LNX1: variants seen among roughly 807,000 people sequenced by gnomAD.
LNX1 encodes ligand of numb-protein X 1, also known as E3 ubiquitin-protein ligase LNX.
LNX1 carries 54 observed loss-of-function variants against 68.4 expected under a neutral mutation model. That is an observed-to-expected ratio of 0.79 (90% CI 0.63 to 0.99). The LOEUF (loss-of-function observed/expected upper bound fraction) is 0.99, where lower values mean the gene tolerates loss of function less well. LNX1 is among the 50% of genes least tolerant of loss of function. The probability of loss-of-function intolerance (pLI) is 0.00; values close to 1 mark genes in which losing one functional copy is unlikely to be tolerated. For missense variants in LNX1, 906 were observed against 926.4 expected, an observed-to-expected ratio of 0.98 and a Z score of 0.29; for synonymous variants, 336 against 350.0, an observed-to-expected ratio of 0.96 and a Z score of 0.45.
chr4:53,610,027 T>C (rs2109846735), intron 2 of LNX1, among the ~76,000 whole-genome samples: 1 of 151,936 alleles, frequency 6.6e-6, no homozygotes, highest in East Asian at 1.9e-4. Context: ...AATGGACATT[T>C]TCTCTAAAGT....
Position 53,459,843 on chromosome 4 carries a change from C to A in LNX1, c.*1064G>T. ...CTGCATCACAAAAGGCAACAAAGGGCCCCTCTAAGGCTTGAGATTAAAACT... is the reference window on the plus strand; with the variant it reads ...CTGCATCACAAAAGGCAACAAAGGGACCCTCTAAGGCTTGAGATTAAAACT... On this transcript the variant is annotated 3_prime_UTR_variant, in exon 11 of 11. Coordinates refer to ENST00000263925, the MANE Select transcript of LNX1 (RefSeq NM_001126328.3). 1 of 255,362 alleles carries A rather than the reference C, an allele frequency of 3.9e-6. No homozygotes were observed. The allele number at this position is 255,362 out of a possible 1,614,324, so 15.8% of individuals were successfully genotyped here.
chr4:53,557,733 C>T (rs1730016410), intron 2 of LNX1: 1 of 937,924 alleles, frequency 1.1e-6, no homozygotes, highest in Non-Finnish European at 1.5e-6. Context: ...CCGTTTTAAA[C>T]TGCTGGCAGG....
chr4:53,582,000 C>G (rs1335554247), intron 1 of LNX1, among the ~76,000 whole-genome samples: 1 of 152,088 alleles, frequency 6.6e-6, no homozygotes. Context: ...ATTAGGATTA[C>G]TGAATTTTTC....
chr4:53,517,301 T>C (rs1560640677), intron 2 of LNX1, among the ~76,000 whole-genome samples: 1 of 152,226 alleles, frequency 6.6e-6, no homozygotes, highest in Non-Finnish European at 1.5e-5. Flanking sequence ...TTTAAATATA[T>C]GATAACTAAT....
chr4:53,522,516 A>G (rs918474713), intron 2 of LNX1, among the ~76,000 whole-genome samples: 1 of 152,188 alleles, frequency 6.6e-6, no homozygotes, highest in Non-Finnish European at 1.5e-5. Flanking sequence ...GTTTTATTAC[A>G]TATTGACACA....
At position 53,460,900 on chromosome 4, in the gene LNX1, A is replaced by T; in HGVS notation, c.*7T>A. The T allele has an allele frequency of 1.2e-6, 2 of 1,607,978 alleles. No homozygotes were observed. Among genetic ancestry groups the T allele is most frequent in the Admixed American group, 1.7e-5 (1 of 58,962 alleles). Reference sequence around the variant, plus strand: ...TTTTTCTGTTTTCCTCTGACCCATCATTGATTCTATAAAAAAGTGCCAGGC... The same window carrying T: ...TTTTTCTGTTTTCCTCTGACCCATCTTTGATTCTATAAAAAAGTGCCAGGC... On this transcript the variant is annotated 3_prime_UTR_variant, in exon 11 of 11. Coordinates refer to ENST00000263925, the MANE Select transcript of LNX1 (RefSeq NM_001126328.3).
intron 2 of LNX1, among the ~76,000 whole-genome samples, chr4:53,555,808 T>C (rs1358649289): frequency 1.3e-5 from 2 of 151,652 alleles, no homozygotes; most frequent in Non-Finnish European, 2.9e-5. Context: ...TTCCCTAGCA[T>C]CATACTTTTA....
intron 2 of LNX1, among the ~76,000 whole-genome samples, chr4:53,533,283 G>T (rs530461755): frequency 6.6e-6 from 1 of 152,180 alleles, no homozygotes; most frequent in Non-Finnish European, 1.5e-5. Flanking sequence ...AGATTTGCCC[G>T]AGGAGCTTGG....
rs11377097 is a variant in LNX1 at position 53,548,121 on chromosome 4, GA to G, written c.380+25501del. Among the ~76,000 whole-genome samples the G allele has an allele frequency of 2.4e-3, 344 of 141,966 alleles. 3 individuals carry two copies. Among genetic ancestry groups the G allele is most frequent in the African/African-American group, 6.8e-3 (260 of 38,212 alleles). 93.1% of individuals were successfully genotyped at this position (141,966 alleles called of 152,430 possible). ...TGAGCACACAGAAGGAGTGATGGTT[GA>G]AAAAAAAAAAAAGTCGGGGGAAATA... On this transcript the variant is annotated intron_variant, in intron 2 of 10. Transcript: ENST00000263925.
chr4:53,572,988 C>A (rs1193179439), intron 2 of LNX1, among the ~76,000 whole-genome samples: 3 of 152,226 alleles, frequency 2.0e-5, no homozygotes, highest in Non-Finnish European at 4.4e-5. Context: ...AAGGGTCAAA[C>A]TGGGGCACCT....
chr4:53,508,458 C>G, intron 2 of LNX1: 1 of 528,284 alleles, frequency 1.9e-6, no homozygotes, highest in Middle Eastern at 5.1e-4. Flanking sequence ...ACTGCATTCT[C>G]TTAAAGCAAT....
chr4:53,614,813 T>C (rs1326912034), intron 2 of LNX1, among the ~76,000 whole-genome samples: 1 of 152,000 alleles, frequency 6.6e-6, no homozygotes, highest in Non-Finnish European at 1.5e-5. Context: ...TCCTTCAGCC[T>C]CCTGGTCATG....
At chr4:53,643,331 G>A (rs1296938359) in intron 1 of LNX1, among the ~76,000 whole-genome samples, 1 of 151,902 alleles carries the variant, frequency 6.6e-6, no homozygotes, top group Non-Finnish European at 1.5e-5. Flanking sequence ...TAAGTTTTTT[G>A]TAGAGACAGG....
intron 2 of LNX1, chr4:53,558,010 C>T (rs1730043159): frequency 6.2e-7 from 1 of 1,610,486 alleles, no homozygotes; most frequent in African/African-American, 1.3e-5. Context: ...CTTCTGTCAG[C>T]TACAAGGGCC....
At chr4:53,569,599 A>G (rs1730983610) in intron 2 of LNX1, among the ~76,000 whole-genome samples, 1 of 150,232 alleles carries the variant, frequency 6.7e-6, no homozygotes, top group African/African-American at 2.5e-5. Context: ...GGACATAGGC[A>G]TGGGCAAGGA....
chr4:53,588,613 G>A (rs1227626483), intron 1 of LNX1, among the ~76,000 whole-genome samples: 2 of 152,134 alleles, frequency 1.3e-5, no homozygotes, highest in Non-Finnish European at 2.9e-5. Flanking sequence ...TACCCACCTG[G>A]ACATGCAGCC....
rs758570307 is a variant in LNX1 at position 53,476,812 on chromosome 4, G to A, written c.1833C>T (p.His611=). Residue 611 remains histidine, a synonymous_variant, in exon 9 of 11, where the codon CAC becomes CAT. Coordinates refer to ENST00000263925, the MANE Select transcript of LNX1 (RefSeq NM_001126328.3). Reference sequence around the variant, plus strand: ...ACCAGTCACTGGGTGGGGCCATGTTGTGGTTGGAGTCCAGGGCTGCTGGGC... The same window carrying A: ...ACCAGTCACTGGGTGGGGCCATGTTATGGTTGGAGTCCAGGGCTGCTGGGC... ...CSSPAALDSN[H]NMAPPSDWSP... is the part of the protein sequence containing the mutation. 2 of 1,614,182 alleles carry A rather than the reference G, an allele frequency of 1.2e-6. No individual in the cohort carries two copies. Among genetic ancestry groups the A allele is most frequent in the South Asian group, 2.2e-5 (2 of 91,080 alleles).
intron 1 of LNX1, among the ~76,000 whole-genome samples, chr4:53,582,067 G>A (rs1311022582): frequency 6.6e-6 from 1 of 152,046 alleles, no homozygotes; most frequent in African/African-American, 2.4e-5. Flanking sequence ...CCTTAATTAT[G>A]ACCTTGTCAC....
chr4:53,623,641 C>T (rs1443717397), intron 1 of LNX1, among the ~76,000 whole-genome samples: 1 of 151,716 alleles, frequency 6.6e-6, no homozygotes, highest in South Asian at 2.1e-4. Context: ...GTAATTTTAG[C>T]CAATCAAATT....
Sources: allele counts gnomAD v4.1 joint callset (sites outside exome capture counted in the v4.1 genomes callset), GRCh38; gene constraint gnomAD v4.1.1; transcripts MANE v1.5; gene names NCBI Gene and HGNC (gene_info 2026-07-23, HGNC 2026-07-21).